The following PCDHGB2 variants were observed in gnomAD, a reference collection of about 807,000 sequenced individuals.
PCDHGB2 encodes protocadherin gamma subfamily B, 2, also known as protocadherin gamma-B2.
PCDHGB2 carries 55 observed loss-of-function variants against 59.3 expected under a neutral mutation model. The ratio of observed to expected loss-of-function variants is 0.93; its 90% CI spans 0.75 to 1.16. PCDHGB2 has a LOEUF of 1.16. Among genes scored for constraint, PCDHGB2 ranks in the 50% most tolerant of loss-of-function variants. The probability of loss-of-function intolerance (pLI) is 0.00; values close to 1 mark genes in which losing one functional copy is unlikely to be tolerated. For missense variants in PCDHGB2, 1,228 were observed against 1,198.5 expected (o/e 1.02, Z -0.36); for synonymous variants, 516 against 512.0 (o/e 1.01, Z -0.11).
At chr5:141,450,006 C>CTTT (rs1554136305) in intron 1 of PCDHGB2, among the ~76,000 whole-genome samples, 1 of 132,986 alleles carries the variant, frequency 7.5e-6, no homozygotes, top group Non-Finnish European at 1.6e-5. Context: ...TGCCATGTCT[C>CTTT]TTTTTTTTTT....
chr5:141,421,634 A>G (rs771759412), intron 1 of PCDHGB2: 12 of 1,613,714 alleles, frequency 7.4e-6, no homozygotes, highest in South Asian at 1.1e-5. Context: ...AGCTTCCAGG[A>G]GGACGAAGTG....
chr5:141,384,284 C>T (rs1588966005), intron 1 of PCDHGB2: 1 of 1,613,854 alleles, frequency 6.2e-7, no homozygotes. Context: ...GTCTACATCG[C>T]TGAGAACAAC....
intron 1 of PCDHGB2, among the ~76,000 whole-genome samples, chr5:141,449,560 GC>G (rs1487612909): frequency 6.9e-6 from 1 of 145,056 alleles, no homozygotes; most frequent in Non-Finnish European, 1.5e-5. Flanking sequence ...CTGCACTCCA[GC>G]CTGGGCGACA....
chr5:141,404,177 A>C, intron 1 of PCDHGB2: 1 of 1,613,448 alleles, frequency 6.2e-7, no homozygotes, highest in Non-Finnish European at 8.5e-7. Context: ...GACGGCCCAA[A>C]TTCTTGACCG....
chr5:141,371,138 G>T (rs761615775), intron 1 of PCDHGB2: 2 of 1,613,988 alleles, frequency 1.2e-6, no homozygotes, highest in South Asian at 1.1e-5. Flanking sequence ...ACATGTACAG[G>T]GTCAATGTTG....
At chr5:141,382,912 C>A (rs771685139) in intron 1 of PCDHGB2, 1 of 1,552,238 alleles carries the variant, frequency 6.4e-7, no homozygotes. Flanking sequence ...GGCGGCTCAG[C>A]CGAGGGGCGG....
chr5:141,404,656 C>A, intron 1 of PCDHGB2: 1 of 1,614,176 alleles, frequency 6.2e-7, no homozygotes, highest in Non-Finnish European at 8.5e-7. Context: ...CTGCCCTCCC[C>A]ACTGATGGTT....
chr5:141,394,128 GC>G, intron 1 of PCDHGB2: 4 of 1,613,730 alleles, frequency 2.5e-6, no homozygotes, highest in Non-Finnish European at 3.4e-6. Context: ...AACTCAAATC[GC>G]TCTGCACGTG....
chr5:141,438,659 T>C (rs1290256383), intron 1 of PCDHGB2, among the ~76,000 whole-genome samples: 1 of 141,194 alleles, frequency 7.1e-6, no homozygotes, highest in East Asian at 2.1e-4. Flanking sequence ...CACATATATG[T>C]ATATATATAT....
chr5:141,428,513 AAAG>A (rs891793310), intron 1 of PCDHGB2: 2 of 280,938 alleles, frequency 7.1e-6, no homozygotes, highest in Non-Finnish European at 1.4e-5. Context: ...GATTCTAGAA[AAAG>A]AAGATTTAAT....
chr5:141,453,052 G>A (rs1299518260), intron 1 of PCDHGB2, among the ~76,000 whole-genome samples: 2 of 152,062 alleles, frequency 1.3e-5, no homozygotes, highest in East Asian at 3.9e-4. Flanking sequence ...ATTATGTGCA[G>A]TTTTAGAGTT....
chr5:141,419,936 G>T, intron 1 of PCDHGB2: 2 of 1,614,074 alleles, frequency 1.2e-6, no homozygotes, highest in Non-Finnish European at 1.7e-6. Context: ...GTTTTACCTG[G>T]TGGTGGCCTT....
chr5:141,377,551 G>T (rs949060522), intron 1 of PCDHGB2: 3 of 151,380 alleles, frequency 2.0e-5, no homozygotes, highest in African/African-American at 7.3e-5. Flanking sequence ...AGATATAATT[G>T]TGTCACTGCA....
intron 1 of PCDHGB2, among the ~76,000 whole-genome samples, chr5:141,449,003 T>A (rs2098622649): frequency 1.3e-5 from 2 of 152,280 alleles, no homozygotes; most frequent in African/African-American, 4.8e-5. Context: ...AAAGCTGTTT[T>A]TTTTAACAGT....
At chr5:141,495,014 G>A (rs561045298) in intron 2 of PCDHGB2, 149 bp downstream of exon 2, 13 of 1,510,430 alleles carry the variant, frequency 8.6e-6, no homozygotes, top group South Asian at 7.5e-5. Flanking sequence ...GCGGGGGGCT[G>A]GCACACAGAC....
At position 141,432,595 on chromosome 5, in the gene PCDHGB2, C is replaced by G; in HGVS notation, c.2422-62212C>G. 6.2e-7 allele frequency: 1 copy of G among 1,613,756 alleles called. No individual in the cohort carries two copies. Among genetic ancestry groups the G allele is most frequent in the Admixed American group, 1.7e-5 (1 of 60,018 alleles). ...TGTCCTACCGTCTGCTCAAGGCCAG[C>G]GAGCCGGGACTCTTCTCGGTGGGTC... On this transcript the variant is annotated intron_variant, in intron 1 of 3. Transcript: ENST00000522605. This position sits in a 1 kb window ranked among gnomAD's most constrained non-coding sequence, Gnocchi z 6.0.
intron 1 of PCDHGB2, chr5:141,421,290 G>C (rs2096561632): frequency 6.2e-7 from 1 of 1,613,130 alleles, no homozygotes; most frequent in African/African-American, 1.3e-5. Flanking sequence ...GCATTTTCCT[G>C]GGGACGCTGC....
intron 2 of PCDHGB2, 141 bp downstream of exon 2, chr5:141,495,006 G>C (rs1030195663): frequency 2.0e-6 from 3 of 1,521,446 alleles, no homozygotes; most frequent in Non-Finnish European, 8.8e-7. Flanking sequence ...CTTGGTGTGC[G>C]GGGGGCTGGC....
chr5:141,422,508 C>T (rs2096653251), intron 1 of PCDHGB2: 1 of 1,613,984 alleles, frequency 6.2e-7, no homozygotes, highest in Non-Finnish European at 8.5e-7. Flanking sequence ...CAGCCACAGA[C>T]CAGGGAAGCC....
Sources: gnomAD v4.1 joint callset for allele counts (sites outside exome capture counted in the v4.1 genomes callset) on GRCh38, gnomAD v4.1.1 for gene constraint, Gnocchi (gnomAD v3.1) non-coding constraint, MANE v1.5 for transcripts, NCBI Gene and HGNC (gene_info 2026-07-23, HGNC 2026-07-21) for gene names.